The following DLG2 variants were observed in gnomAD, a reference collection of about 807,000 sequenced individuals.
DLG2 encodes the protein discs large MAGUK scaffold protein 2, also known as disks large homolog 2.
Under a neutral mutation model 132.5 loss-of-function variants are expected in DLG2, and 45 were observed. The observed-to-expected ratio is 0.34, with a 90% confidence interval of 0.27 to 0.44. DLG2 has a LOEUF of 0.44. Ranked by LOEUF, DLG2 falls within the 20% of genes least tolerant of loss-of-function variation. DLG2 has a pLI of 1.00. For synonymous variants in DLG2, 424 were observed against 419.6 expected (o/e 1.01, Z -0.13); for missense variants, 1,045 against 1,196.9 (o/e 0.87, Z 1.87).
intron 19 of DLG2, among the ~76,000 whole-genome samples, chr11:83,566,772 A>C (rs897810928): frequency 6.7e-6 from 1 of 148,594 alleles, no homozygotes; most frequent in Admixed American, 6.8e-5. Context: ...CAATGCTAGA[A>C]ACATTCTTTC....
chr11:84,437,515 T>C (rs1167996200), intron 7 of DLG2: 2 of 151,858 alleles, frequency 1.3e-5, no homozygotes, highest in Non-Finnish European at 2.9e-5. Flanking sequence ...ACAATCAACT[T>C]CCCACCTCGG....
intron 5 of DLG2, among the ~76,000 whole-genome samples, chr11:85,118,837 TG>T (rs1190577176): frequency 1.3e-5 from 2 of 151,874 alleles, no homozygotes; most frequent in East Asian, 3.9e-4. Context: ...ATCCATAAAG[TG>T]GAAAAAATAA....
chr11:83,884,125 C>T (rs970882589), intron 15 of DLG2, among the ~76,000 whole-genome samples: 19 of 152,158 alleles, frequency 1.2e-4, no homozygotes, highest in Non-Finnish European at 8.8e-5. Flanking sequence ...ATGCGCGAGC[C>T]GAAGCAGGGC....
intron 17 of DLG2, among the ~76,000 whole-genome samples, chr11:83,811,286 T>G (rs1003017433): frequency 2.6e-5 from 4 of 152,112 alleles, no homozygotes; most frequent in Non-Finnish European, 5.9e-5. Context: ...AGTAAACCAA[T>G]AAATTCATTT....
chr11:85,031,855 C>T (rs1447799167), intron 6 of DLG2, among the ~76,000 whole-genome samples: 1 of 151,250 alleles, frequency 6.6e-6, no homozygotes, highest in East Asian at 1.9e-4. Flanking sequence ...AGTATCTTGG[C>T]TCACTGAAGC....
At chr11:85,583,809 A>C (rs2078785245) in intron 3 of DLG2, among the ~76,000 whole-genome samples, 1 of 152,182 alleles carries the variant, frequency 6.6e-6, no homozygotes, top group Non-Finnish European at 1.5e-5. Context: ...AAGGAGTATA[A>C]AGGTGAAAAC....
chr11:85,592,030 C>T (rs1377856041), intron 3 of DLG2, among the ~76,000 whole-genome samples: 4 of 152,298 alleles, frequency 2.6e-5, no homozygotes, highest in East Asian at 1.9e-4. Flanking sequence ...CCTTCTCTAG[C>T]AACAACAATG....
intron 4 of DLG2, among the ~76,000 whole-genome samples, chr11:85,217,318 TCACA>T (rs56718906): frequency 2.1e-5 from 3 of 143,928 alleles, no homozygotes; most frequent in Admixed American, 1.4e-4. Flanking sequence ...TCTCTCTCTC[TCACA>T]CACACACACA....
chr11:84,284,707 T>G (rs192579458), intron 7 of DLG2, among the ~76,000 whole-genome samples: 2 of 152,326 alleles, frequency 1.3e-5, no homozygotes, highest in African/African-American at 4.8e-5. Flanking sequence ...CTTCCCCATC[T>G]AGAGCCCTCA....
intron 19 of DLG2, among the ~76,000 whole-genome samples, chr11:83,620,557 A>G (rs1296843315): frequency 1.3e-5 from 2 of 152,184 alleles, no homozygotes; most frequent in East Asian, 1.9e-4. Context: ...AAGAAAATCT[A>G]AAAGACGTCT....
At chr11:85,223,048 C>T (rs2074755609) in intron 4 of DLG2, among the ~76,000 whole-genome samples, 1 of 152,092 alleles carries the variant, frequency 6.6e-6, no homozygotes, top group East Asian at 1.9e-4. Flanking sequence ...GGCAAGAGGA[C>T]AAAGAAGGCA....
chr11:84,931,712 A>C (rs2048111514), intron 6 of DLG2, among the ~76,000 whole-genome samples: 1 of 152,264 alleles, frequency 6.6e-6, no homozygotes, highest in Admixed American at 6.5e-5. Context: ...GGTTGAACTA[A>C]TTTACTACTT....
intron 3 of DLG2, among the ~76,000 whole-genome samples, chr11:85,471,116 C>A (rs2092970776): frequency 6.6e-6 from 1 of 152,116 alleles, no homozygotes; most frequent in Non-Finnish European, 1.5e-5. Flanking sequence ...ATCATAATAT[C>A]AGAGTTCCTT....
At chr11:83,690,706 C>A (rs553599533) in intron 18 of DLG2, among the ~76,000 whole-genome samples, 2 of 152,012 alleles carry the variant, frequency 1.3e-5, no homozygotes, top group South Asian at 4.2e-4. Flanking sequence ...TGTCTGCAAA[C>A]CATGGCCTGC....
At chr11:85,561,706 T>C (rs538422638) in intron 3 of DLG2, among the ~76,000 whole-genome samples, 1 of 151,952 alleles carries the variant, frequency 6.6e-6, no homozygotes, top group Admixed American at 6.6e-5. Flanking sequence ...ACTAACTTCA[T>C]TATGCTATAA....
rs574123453 is a variant in DLG2, at chr11:84,412,788, A to G, written c.519+121782T>C. Reference sequence around the variant, plus strand: ...TGCTACATTCCAGTTCCCAGAATAGAGTTTTGCCTTGGCTGACTCTAGTGG... The same window carrying G: ...TGCTACATTCCAGTTCCCAGAATAGGGTTTTGCCTTGGCTGACTCTAGTGG... On this transcript the variant is annotated intron_variant, in intron 7 of 27. Coordinates refer to ENST00000376104, the MANE Select transcript of DLG2 (RefSeq NM_001142699.3). Among the ~76,000 whole-genome samples the G allele has an allele frequency of 1.1e-4, 17 of 152,180 alleles. No individual in the cohort carries two copies. The South Asian group carries it at 3.3e-3, about 30-fold the overall frequency.
chr11:84,707,436 T>C (rs1042035855), intron 6 of DLG2, among the ~76,000 whole-genome samples: 1 of 151,844 alleles, frequency 6.6e-6, no homozygotes, highest in African/African-American at 2.4e-5. Context: ...TGGAGGTGTA[T>C]GTGAAACTGA....
rs750318663 is a variant in DLG2, at chr11:83,472,689, C to T, written c.2344+38G>A. 8.8e-6 allele frequency: 14 copies of T among 1,595,582 alleles called. No homozygotes were observed. In the South Asian group the frequency reaches 1.4e-4, roughly 16 times the overall value. On this transcript the variant is annotated intron_variant, in intron 23 of 27. Coordinates refer to ENST00000376104, the MANE Select transcript of DLG2 (RefSeq NM_001142699.3). ...CCTTCAATGATGTCACCTCTTATGGCCCAGAAATTAGGAATGAAAGCGTGC... is the reference window on the plus strand; with the variant it reads ...CCTTCAATGATGTCACCTCTTATGGTCCAGAAATTAGGAATGAAAGCGTGC...
chr11:85,383,417 AC>A (rs2086064460), intron 3 of DLG2, among the ~76,000 whole-genome samples: 1 of 152,178 alleles, frequency 6.6e-6, no homozygotes, highest in Non-Finnish European at 1.5e-5. Context: ...AAACTTACTA[AC>A]AAAACGCTGA....
Sources: gnomAD v4.1 joint callset for allele counts (sites outside exome capture counted in the v4.1 genomes callset) on GRCh38, gnomAD v4.1.1 for gene constraint, MANE v1.5 for transcripts, NCBI Gene and HGNC (gene_info 2026-07-23, HGNC 2026-07-21) for gene names.